MAFF: variants seen among roughly 807,000 people sequenced by gnomAD.
The protein encoded by MAFF is MAF bZIP transcription factor F, also known as transcription factor MafF.
In MAFF, 4 loss-of-function variants were observed where a neutral mutation model predicts 2.7. The observed-to-expected ratio is 1.48, with a 90% CI of 0.73 to 3.39. The LOEUF (loss-of-function observed/expected upper bound fraction) is 3.39, where lower values mean the gene tolerates loss of function less well. MAFF is among the 30% of genes most tolerant of loss of function. The pLI, the probability that MAFF is intolerant of heterozygous loss-of-function variation, is 0.01. For missense variants in MAFF, 190 were observed against 246.6 expected, an observed-to-expected ratio of 0.77 and a Z score of 1.54; for synonymous variants, 113 against 119.4, an observed-to-expected ratio of 0.95 and a Z score of 0.35.
chr22:38,206,995 A>G (rs1422928400), intron 1 of MAFF, among the ~76,000 whole-genome samples: 1 of 152,118 alleles, frequency 6.6e-6, no homozygotes, highest in Non-Finnish European at 1.5e-5. Context: ...GTGGCCTTGG[A>G]AACTGGCAAG....
intron 1 of MAFF, among the ~76,000 whole-genome samples, chr22:38,212,492 C>G (rs1420877867): frequency 1.3e-5 from 2 of 152,192 alleles, no homozygotes; most frequent in African/African-American, 4.8e-5. Flanking sequence ...AGAGCAATGA[C>G]CACTGACCCT....
intron 1 of MAFF, among the ~76,000 whole-genome samples, chr22:38,211,396 T>C (rs1363440784): frequency 6.6e-6 from 1 of 151,744 alleles, no homozygotes; most frequent in Non-Finnish European, 1.5e-5. Flanking sequence ...CCGGCTAATT[T>C]TCGTATTTTT....
At chr22:38,211,380 C>T (rs1359094778) in intron 1 of MAFF, among the ~76,000 whole-genome samples, 2 of 152,138 alleles carry the variant, frequency 1.3e-5, no homozygotes, top group Admixed American at 1.3e-4. Context: ...GCACGTGCCA[C>T]CACGCCCGGC....
chr22:38,214,889 C>T lies in MAFF; in HGVS notation c.*11C>T, dbSNP rs1183461971. 1.3e-6 allele frequency: 2 copies of T among 1,514,138 alleles called. No homozygotes were observed. The highest frequency in any genetic ancestry group is 1.8e-6 in the Non-Finnish European group (2 of 1,125,880). The allele number at this position is 1,514,138 out of a possible 1,614,324, so 93.8% of individuals were successfully genotyped here. ...GCCTCCTGCTCCTAGTGCCCGCCCC[C>T]GCCATGCCTCAGCCACGCCCCTCCG... On this transcript the variant is annotated 3_prime_UTR_variant, in exon 3 of 3. Transcript: ENST00000338483. This position sits in a 1 kb window ranked among gnomAD's most constrained non-coding sequence, Gnocchi z 6.3.
rs1054374293 is a variant in MAFF, at chr22:38,203,483, C to T, written c.-32+1271C>T. The T allele has an allele frequency of 2.9e-4, 44 of 152,246 alleles. 1 individual carries two copies. Among genetic ancestry groups the T allele is most frequent in the African/African-American group, 1.1e-3 (44 of 41,460 alleles). 9.4% of individuals were successfully genotyped at this position (152,246 alleles called of 1,614,324 possible). On this transcript the variant is annotated intron_variant, in intron 1 of 2. Coordinates refer to ENST00000338483, the MANE Select transcript of MAFF (RefSeq NM_012323.4). ...GTAGGCATTGGGGATAGAACTCTGA[C>T]TGCACGGAGGGTTAATGAGTGAGGG...
intron 1 of MAFF, among the ~76,000 whole-genome samples, chr22:38,206,571 T>G (rs547217753): frequency 1.3e-5 from 2 of 152,184 alleles, no homozygotes; most frequent in African/African-American, 4.8e-5. Context: ...AGGCCGTTCT[T>G]GAACTCCTGG....
In MAFF at chr22:38,202,578, G is replaced by A. The variant is rs1204659969; in HGVS notation, c.-32+366G>A. The A allele has an allele frequency of 1.3e-5, 2 of 152,124 alleles. No homozygotes were observed. Among genetic ancestry groups the A allele is most frequent in the African/African-American group, 4.8e-5 (2 of 41,368 alleles). 9.4% of individuals were successfully genotyped at this position (152,124 alleles called of 1,614,324 possible). On this transcript the variant is annotated intron_variant, in intron 1 of 2. Coordinates refer to ENST00000338483, the MANE Select transcript of MAFF (RefSeq NM_012323.4). This position sits in a 1 kb window ranked among gnomAD's most constrained non-coding sequence, Gnocchi z 7.4. Reference sequence around the variant, plus strand: ...AACAGGCCCTGGCCCGGCGCCCGCGGGCGGTGCGTGCGCGGTTTGTTTACG... The same window carrying A: ...AACAGGCCCTGGCCCGGCGCCCGCGAGCGGTGCGTGCGCGGTTTGTTTACG...
rs956499744 is a variant in MAFF, at chr22:38,202,937, G to T, written c.-32+725G>T. The T allele has an allele frequency of 1.3e-5, 2 of 152,294 alleles. No individual in the cohort carries two copies. Among genetic ancestry groups the T allele is most frequent in the Admixed American group, 6.5e-5 (1 of 15,278 alleles). The allele number at this position is 152,294 out of a possible 1,614,324, so 9.4% of individuals were successfully genotyped here. A position where few individuals can be genotyped will look rare whatever the true frequency, so the allele number is the denominator to read the frequency against. On this transcript the variant is annotated intron_variant, in intron 1 of 2. Transcript: ENST00000338483. This position sits in a 1 kb window ranked among gnomAD's most constrained non-coding sequence, Gnocchi z 7.4. Reference sequence around the variant, plus strand: ...CTCCCCGGAGTTTCCCAGGGCCTCCGCCACGTGACCCCAGTGTTTGTCTCC... The same window carrying T: ...CTCCCCGGAGTTTCCCAGGGCCTCCTCCACGTGACCCCAGTGTTTGTCTCC...
At chr22:38,213,948 T>C in intron 2 of MAFF, 59 bp downstream of exon 2, 1 of 1,565,752 alleles carries the variant, frequency 6.4e-7, no homozygotes, top group Non-Finnish European at 8.8e-7. Context: ...ATGCAGAGCC[T>C]CCTCATCCCA....
intron 1 of MAFF, among the ~76,000 whole-genome samples, chr22:38,208,508 TAG>T (rs2091070535): frequency 6.6e-6 from 1 of 152,096 alleles, no homozygotes; most frequent in South Asian, 2.1e-4. Flanking sequence ...GAGGAAGAAT[TAG>T]AGACAGGGCC....
At chr22:38,208,994 G>C (rs1308582034) in intron 1 of MAFF, among the ~76,000 whole-genome samples, 1 of 152,026 alleles carries the variant, frequency 6.6e-6, no homozygotes, top group Non-Finnish European at 1.5e-5. Flanking sequence ...TGGGGTGCTG[G>C]GAGGGTGGGT....
chr22:38,213,176 CAAAAAAAAAAAA>C (rs57782814), intron 1 of MAFF, among the ~76,000 whole-genome samples: 69,167 of 114,352 alleles, frequency 0.6, 18,423 homozygotes, highest in African/African-American at 0.67. Flanking sequence ...GACTCTGTCT[CAAAAAAAAAAAA>C]AAAAAAAAAA....
rs755031237 is a variant in MAFF at position 38,214,560 on chromosome 22, CA to C, written c.182del (p.Asn61ThrfsTer10). Reference protein sequence around the residue: ...TRLKQRRRTLKNRGYAASCRV... With the variant: ...TRLKQRRRTLXNRGYAASCRV... ...GGCTCAAGCAGCGGCGCCGCACACTCAAAAACCGTGGCTACGCCGCCAGCTG... is the reference window on the plus strand; with the variant it reads ...GGCTCAAGCAGCGGCGCCGCACACTCAAAACCGTGGCTACGCCGCCAGCTG... On this transcript the variant is annotated frameshift_variant, in exon 3 of 3. Coordinates refer to ENST00000338483, the MANE Select transcript of MAFF (RefSeq NM_012323.4). LOFTEE classifies it high-confidence loss of function. This position sits in a 1 kb window ranked among gnomAD's most constrained non-coding sequence, Gnocchi z 6.3. The C allele has an allele frequency of 2.5e-6, 4 of 1,606,654 alleles. No homozygotes were observed. The highest frequency in any genetic ancestry group is 1.7e-5 in the Admixed American group (1 of 59,252).
In MAFF at chr22:38,210,452, C is replaced by T. The variant is rs146066767; in HGVS notation, c.-31-3371C>T. Among the ~76,000 whole-genome samples, 880 of 152,220 alleles carry T rather than the reference C, an allele frequency of 5.8e-3. 10 individuals are homozygous for T. The highest frequency in any genetic ancestry group is 0.02 in the African/African-American group (845 of 41,524). On this transcript the variant is annotated intron_variant, in intron 1 of 2. Transcript: ENST00000338483. ...TTGAGTATCTGCGAGGTGCCAGGCG[C>T]GGTTCTAGGCATGGGGGAGGCCGCG...
At chr22:38,206,356 T>C (rs1205274870) in intron 1 of MAFF, among the ~76,000 whole-genome samples, 10 of 149,616 alleles carry the variant, frequency 6.7e-5, no homozygotes, top group African/African-American at 2.5e-4. Flanking sequence ...TTTTTTTTTT[T>C]TTTTTGATGG....
At chr22:38,212,728 G>A (rs923468480) in intron 1 of MAFF, among the ~76,000 whole-genome samples, 1 of 152,160 alleles carries the variant, frequency 6.6e-6, no homozygotes, top group Non-Finnish European at 1.5e-5. Flanking sequence ...CAAAACAGAG[G>A]TCTAGATGAA....
At chr22:38,207,276 C>T (rs911106424) in intron 1 of MAFF, among the ~76,000 whole-genome samples, 1 of 150,868 alleles carries the variant, frequency 6.6e-6, no homozygotes, top group African/African-American at 2.4e-5. Context: ...TGTGTGCCAC[C>T]AGGCCCAGCT....
intron 1 of MAFF, among the ~76,000 whole-genome samples, chr22:38,211,225 A>G (rs1199900680): frequency 1.5e-5 from 2 of 129,102 alleles, no homozygotes; most frequent in East Asian, 4.6e-4. Context: ...GCTGGGGAGC[A>G]CTTTCTTTTT....
chr22:38,213,501 C>T (rs1224342188), intron 1 of MAFF: 6 of 402,072 alleles, frequency 1.5e-5, no homozygotes, highest in East Asian at 6.4e-5. Flanking sequence ...GGTTAATAGG[C>T]GGGGTTATGT....
Sources: gnomAD v4.1 joint callset for allele counts (sites outside exome capture counted in the v4.1 genomes callset) on GRCh38, gnomAD v4.1.1 for gene constraint, Gnocchi (gnomAD v3.1) non-coding constraint, MANE v1.5 for transcripts, NCBI Gene and HGNC (gene_info 2026-07-23, HGNC 2026-07-21) for gene names.